PCCA: variants seen among roughly 807,000 people sequenced by gnomAD.
PCCA encodes propionyl-CoA carboxylase subunit alpha.
In PCCA, 74 loss-of-function variants were observed where a neutral mutation model predicts 101.3. That is an observed-to-expected ratio of 0.73 (90% CI 0.61 to 0.89). PCCA has a LOEUF of 0.89. Among genes scored for constraint, PCCA ranks in the 40% least tolerant of loss-of-function variants. The pLI is 0.00. For missense variants in PCCA, 891 were observed against 907.0 expected (o/e 0.98, Z 0.23); for synonymous variants, 294 against 313.6 (o/e 0.94, Z 0.66).
intron 6 of PCCA, among the ~76,000 whole-genome samples, chr13:100,165,883 CA>C (rs1025617232): frequency 2.6e-5 from 4 of 151,556 alleles, no homozygotes; most frequent in African/African-American, 9.7e-5. Flanking sequence ...GACCCTGTCT[CA>C]AAAAAATAAA....
intron 4 of PCCA, among the ~76,000 whole-genome samples, chr13:100,124,386 A>G (rs1201800988): frequency 6.6e-6 from 1 of 152,154 alleles, no homozygotes; most frequent in East Asian, 1.9e-4. Flanking sequence ...ACAAGAACCT[A>G]AAATTAGGGA....
At chr13:100,106,039 C>T (rs1327365323) in intron 2 of PCCA, among the ~76,000 whole-genome samples, 3 of 151,940 alleles carry the variant, frequency 2.0e-5, no homozygotes, top group African/African-American at 4.8e-5. Flanking sequence ...GGATAATACT[C>T]GGGCCCGATC....
intron 9 of PCCA, among the ~76,000 whole-genome samples, chr13:100,261,822 T>C (rs898254283): frequency 5.9e-5 from 9 of 152,164 alleles, no homozygotes; most frequent in Non-Finnish European, 1.3e-4. Context: ...TAATGATCTG[T>C]GTGGGTGTAT....
At chr13:100,422,062 C>CTT (rs1469717301) in intron 19 of PCCA, among the ~76,000 whole-genome samples, 16 of 56,146 alleles carry the variant, frequency 2.8e-4, no homozygotes, top group Non-Finnish European at 2.3e-4. Flanking sequence ...CTTTTCTCTT[C>CTT]TCTTTTCTTT....
chr13:100,101,918 G>T (rs1403712152), intron 1 of PCCA, among the ~76,000 whole-genome samples: 1 of 152,134 alleles, frequency 6.6e-6, no homozygotes, highest in African/African-American at 2.4e-5. Context: ...AAAAATAGTT[G>T]TACAAATTTT....
chr13:100,336,465 T>G (rs2070469051), intron 17 of PCCA, among the ~76,000 whole-genome samples: 1 of 152,086 alleles, frequency 6.6e-6, no homozygotes, highest in Non-Finnish European at 1.5e-5. Context: ...AGCTTGTAGG[T>G]GCTGTTACAT....
chr13:100,150,791 G>C, intron 4 of PCCA: 1 of 1,586,278 alleles, frequency 6.3e-7, no homozygotes, highest in Admixed American at 1.7e-5. Flanking sequence ...TTGCTCCTCT[G>C]CAACGGACTG....
At chr13:100,480,881 G>C (rs1353937351) in intron 21 of PCCA, 1 of 152,244 alleles carries the variant, frequency 6.6e-6, no homozygotes, top group Non-Finnish European at 1.5e-5. Flanking sequence ...GAAGGGAAGT[G>C]TACTGTACAG....
intron 19 of PCCA, among the ~76,000 whole-genome samples, chr13:100,409,665 C>A (rs1306751203): frequency 6.6e-6 from 1 of 152,182 alleles, no homozygotes; most frequent in Admixed American, 6.5e-5. Context: ...TGGTCCCTAC[C>A]TCCAGCAGTG....
chr13:100,251,088 G>A (rs918995310), intron 8 of PCCA, among the ~76,000 whole-genome samples: 1 of 152,104 alleles, frequency 6.6e-6, no homozygotes, highest in Non-Finnish European at 1.5e-5. Flanking sequence ...CTGCTAGTAG[G>A]CCAGTACAAG....
At chr13:100,188,076 C>G (rs759545780) in intron 6 of PCCA, among the ~76,000 whole-genome samples, 1 of 152,186 alleles carries the variant, frequency 6.6e-6, no homozygotes, top group Middle Eastern at 3.4e-3. Flanking sequence ...GGGCGGATCA[C>G]GAGGTCAAGA....
At chr13:100,159,342 G>T (rs950747579) in intron 6 of PCCA, among the ~76,000 whole-genome samples, 1 of 151,906 alleles carries the variant, frequency 6.6e-6, no homozygotes, top group African/African-American at 2.4e-5. Flanking sequence ...GCCCACCTCA[G>T]CTTCCCAAAG....
intron 12 of PCCA, among the ~76,000 whole-genome samples, chr13:100,291,700 C>T (rs1372027277): frequency 2.0e-5 from 3 of 152,200 alleles, no homozygotes; most frequent in Non-Finnish European, 2.9e-5. Flanking sequence ...ATATCTACTC[C>T]AGAGGCCTGG....
chr13:100,530,384 TGA>T lies in PCCA; in HGVS notation c.*221_*222del, dbSNP rs2088320265. 1 of 610,534 alleles carries T rather than the reference TGA, an allele frequency of 1.6e-6. No individual in the cohort carries two copies. Among genetic ancestry groups the T allele is most frequent in the East Asian group, 2.8e-5 (1 of 35,894 alleles). 37.8% of individuals were successfully genotyped at this position (610,534 alleles called of 1,614,324 possible). A position where few individuals can be genotyped will look rare whatever the true frequency, so the allele number is the denominator to read the frequency against. ...GTACATATGATTTGTACTTCTGCTG[TGA>T]GATTCCCTAGTGTCAAAATTAAATC... is the stretch of plus-strand genomic sequence containing the variant. On this transcript the variant is annotated 3_prime_UTR_variant, in exon 24 of 24. Transcript: ENST00000376285.
intron 14 of PCCA, 115 bp downstream of exon 14, chr13:100,303,113 A>G (rs2066191339): frequency 3.9e-6 from 3 of 768,500 alleles, no homozygotes; most frequent in Admixed American, 1.8e-5. Context: ...AGTGAAATTC[A>G]TGGGAATCAT....
At chr13:100,098,541 G>C (rs1001193423) in intron 1 of PCCA, among the ~76,000 whole-genome samples, 1 of 152,148 alleles carries the variant, frequency 6.6e-6, no homozygotes, top group Non-Finnish European at 1.5e-5. Flanking sequence ...TTGATGGAGA[G>C]CTGTATAGTT....
chr13:100,136,103 T>C (rs185977041), intron 4 of PCCA, among the ~76,000 whole-genome samples: 2 of 152,134 alleles, frequency 1.3e-5, no homozygotes, highest in East Asian at 3.9e-4. Flanking sequence ...TTTTGTGTAC[T>C]GTCTTTGGTA....
chr13:100,267,787 A>G (rs1252750172), intron 10 of PCCA, among the ~76,000 whole-genome samples: 4 of 152,334 alleles, frequency 2.6e-5, no homozygotes, highest in Non-Finnish European at 5.9e-5. Flanking sequence ...TGAATTTCAG[A>G]TTAACAATGA....
At chr13:100,529,950 T>C in intron 23 of PCCA, 148 bp from the exon 24 acceptor site, 1 of 684,446 alleles carries the variant, frequency 1.5e-6, no homozygotes, top group Non-Finnish European at 2.6e-6. Context: ...GTCCCTTCGA[T>C]GGGCTCCGGT....
Sources: gnomAD v4.1 joint callset for allele counts (sites outside exome capture counted in the v4.1 genomes callset) on GRCh38, gnomAD v4.1.1 for gene constraint, MANE v1.5 for transcripts, NCBI Gene and HGNC (gene_info 2026-07-23, HGNC 2026-07-21) for gene names.